Variants in MYRF observed in about 807,000 individuals in gnomAD.
MYRF encodes the protein myelin regulatory factor.
Under a neutral mutation model 126.3 loss-of-function variants are expected in MYRF, and 16 were observed. That is an observed-to-expected ratio of 0.13 (90% CI 0.09 to 0.19). The LOEUF is 0.19. Among genes scored for constraint, MYRF ranks in the 10% least tolerant of loss-of-function variants. The probability of loss-of-function intolerance (pLI) is 1.00; values close to 1 mark genes in which losing one functional copy is unlikely to be tolerated. For missense variants in MYRF, 1,104 were observed against 1,547.0 expected (o/e 0.71, Z 4.80); for synonymous variants, 608 against 635.3 (o/e 0.96, Z 0.65).
chr11:61,780,419 C>T, intron 18 of MYRF, 129 bp downstream of exon 18: 1 of 838,626 alleles, frequency 1.2e-6, no homozygotes, highest in Non-Finnish European at 1.9e-6. Context: ...TGCTGGGGTG[C>T]TGTGGGGATC....
chr11:61,755,089 C>T (rs989794251), intron 1 of MYRF, among the ~76,000 whole-genome samples: 1 of 152,208 alleles, frequency 6.6e-6, no homozygotes, highest in Non-Finnish European at 1.5e-5. Context: ...GGTCATCCCT[C>T]TGGACAGTGG....
intron 8 of MYRF, 115 bp downstream of exon 8, chr11:61,774,277 C>T: frequency 1.0e-6 from 1 of 973,646 alleles, no homozygotes; most frequent in Non-Finnish European, 1.5e-6. Flanking sequence ...GTAATCCCAG[C>T]ACTTTGGGAG....
intron 1 of MYRF, among the ~76,000 whole-genome samples, chr11:61,762,726 C>T (rs543665676): frequency 1.5e-3 from 229 of 152,262 alleles, no homozygotes; most frequent in Non-Finnish European, 2.5e-3. Flanking sequence ...AAAGAGACGA[C>T]GCGGCCTCCA....
chr11:61,771,543 C>A lies in MYRF; in HGVS notation c.784C>A (p.Pro262Thr), dbSNP rs144545667. ...CAAGAAGAGGAAGCACTCTGAATCC[C>A]CCCCCAGCACCCTCAATGCCCAGAT... is the stretch of plus-strand genomic sequence containing the variant. The part of the protein sequence containing the change: ...PSKKRKHSES[P>T]PSTLNAQMLN... Residue 262 changes from proline to threonine, a missense_variant, in exon 6 of 27, where the codon CCC (proline) becomes ACC (threonine). Transcript: ENST00000278836. 5.6e-6 allele frequency: 9 copies of A among 1,614,002 alleles called. No homozygotes were observed. The highest frequency in any genetic ancestry group is 3.3e-5 in the Admixed American group (2 of 60,012).
rs1188303208 is a variant in MYRF, at chr11:61,770,430, C to T, written c.645C>T (p.His215=). 8 of 1,557,918 alleles carry T rather than the reference C, an allele frequency of 5.1e-6. No homozygotes were observed. Among genetic ancestry groups the T allele is most frequent in the Middle Eastern group, 3.3e-4 (2 of 5,988 alleles). Residue 215 remains histidine (H), a synonymous_variant, in exon 5 of 27, where the codon CAC becomes CAT. Coordinates refer to ENST00000278836, the MANE Select transcript of MYRF (RefSeq NM_001127392.3). ...TGAAGGCCGAGCCCCCGATCCCCCA[C>T]TACGCTGCCATGGGGCAGGGGCTGG... is the stretch of plus-strand genomic sequence containing the variant. ...LYMKAEPPIP[H]YAAMGQGLVP... is the part of the protein sequence containing the mutation.
chr11:61,769,604 C>A (rs939922385), intron 4 of MYRF, among the ~76,000 whole-genome samples: 4 of 152,156 alleles, frequency 2.6e-5, no homozygotes, highest in Admixed American at 1.3e-4. Context: ...TGGGGAAGGC[C>A]GTGGGTGCAG....
chr11:61,780,115 A>G (rs771798999), intron 17 of MYRF, 107 bp from the exon 18 acceptor site: 3 of 1,387,454 alleles, frequency 2.2e-6, no homozygotes, highest in Non-Finnish European at 3.0e-6. Context: ...TTTTGTAGGC[A>G]TCACCTGGGA....
chr11:61,769,604 C>T (rs939922385), intron 4 of MYRF, among the ~76,000 whole-genome samples: 2 of 152,156 alleles, frequency 1.3e-5, no homozygotes, highest in Admixed American at 6.5e-5. Flanking sequence ...TGGGGAAGGC[C>T]GTGGGTGCAG....
intron 4 of MYRF, among the ~76,000 whole-genome samples, chr11:61,769,620 G>A (rs2066153615): frequency 6.6e-6 from 1 of 152,194 alleles, no homozygotes; most frequent in Non-Finnish European, 1.5e-5. Context: ...TGCAGCCTGG[G>A]TGCAGGCTTC....
rs200842389 is a variant in MYRF at position 61,779,527 on chromosome 11, G to A, written c.2204G>A (p.Gly735Asp). The change falls in exon 16 of 27, where the codon GGC becomes GAC. Residue 735 changes from glycine to aspartate, a missense_variant. Physicochemically the swap from Gly to Asp is moderately conservative, Grantham distance 94. Transcript: ENST00000278836. ...SHAGSQFSRA[G>D]SVPHKKRPPK... is the part of the protein sequence containing the mutation. The stretch of plus-strand genomic sequence containing the variant: ...GCAGGGAGCCAGTTCAGTCGGGCGG[G>A]CAGCGTCCCCCACAAGAAGAGGCCC... The A allele has an allele frequency of 1.9e-5, 28 of 1,511,342 alleles. No individual in the cohort carries two copies. The East Asian group carries it at 5.8e-4, about 31-fold the overall frequency. 93.6% of individuals were successfully genotyped at this position (1,511,342 alleles called of 1,614,324 possible).
Position 61,781,012 on chromosome 11 carries a change from G to A in MYRF, c.2539G>A (p.Gly847Arg). 1 of 1,610,018 alleles carries A rather than the reference G, an allele frequency of 6.2e-7. No homozygotes were observed. ...TQLRQSPLTT[G>R]LPGIQPSLLL... Reference sequence around the variant, plus strand: ...GCTCCGACAGTCCCCCTTGACCACGGGGCTACCAGGCATACAGCCCTCTTT... The same window carrying A: ...GCTCCGACAGTCCCCCTTGACCACGAGGCTACCAGGCATACAGCCCTCTTT... Residue 847 changes from glycine to arginine, a missense_variant, in exon 20 of 27, where the codon GGG (glycine) becomes AGG (arginine). By Grantham distance (125) the Gly-to-Arg change is moderately radical (BLOSUM62 -2). Coordinates refer to ENST00000278836, the MANE Select transcript of MYRF (RefSeq NM_001127392.3).
chr11:61,773,818 T>C, intron 7 of MYRF, 149 bp from the exon 8 acceptor site: 1 of 647,168 alleles, frequency 1.5e-6, no homozygotes, highest in Admixed American at 2.9e-5. Context: ...TCAGTTTCCA[T>C]TTCTCAGGAG....
intron 1 of MYRF, among the ~76,000 whole-genome samples, chr11:61,759,681 T>C (rs1431411375): frequency 6.8e-6 from 1 of 146,298 alleles, no homozygotes; most frequent in African/African-American, 2.5e-5. Flanking sequence ...AAAAGAAAGG[T>C]AAAAAAAAAA....
chr11:61,765,534 C>A, intron 1 of MYRF, 91 bp from the exon 2 acceptor site: 1 of 1,063,726 alleles, frequency 9.4e-7, no homozygotes. Flanking sequence ...TTTGGAGGGC[C>A]AGCCTGGGCA....
At position 61,786,694 on chromosome 11, in the gene MYRF, TGCCTGTTAC is replaced by T. The variant is rs2066702758; in HGVS notation, c.*555_*563del. ...GCTTGGTAGTGGACTTTCTGGGGTT[TGCCTGTTAC>T]GCCAGACTCGGACTTCTAAGCTTTA... On this transcript the variant is annotated 3_prime_UTR_variant, in exon 27 of 27. Coordinates refer to ENST00000278836, the MANE Select transcript of MYRF (RefSeq NM_001127392.3). This position sits in a 1 kb window ranked among gnomAD's most constrained non-coding sequence, Gnocchi z 4.5. 6.5e-6 allele frequency: 1 copy of T among 154,224 alleles called. No homozygotes were observed. The highest frequency in any genetic ancestry group is 1.4e-5 in the Non-Finnish European group (1 of 69,042). 9.6% of individuals were successfully genotyped at this position (154,224 alleles called of 1,614,324 possible).
In MYRF at chr11:61,762,334, G is replaced by GA. The variant is rs1489111981; in HGVS notation, c.47-3289dup. Among the ~76,000 whole-genome samples, 3 of 152,226 alleles carry GA rather than the reference G, an allele frequency of 2.0e-5. No individual in the cohort carries two copies. The East Asian group carries it at 5.8e-4, about 29-fold the overall frequency. On this transcript the variant is annotated intron_variant, in intron 1 of 26. Coordinates refer to ENST00000278836, the MANE Select transcript of MYRF (RefSeq NM_001127392.3). Reference sequence around the variant, plus strand: ...GAAGTTGTTGAAGGGTTTGAGAAGGGAAGGACAGAGATGCTGGTTTGTGAG... The same window carrying GA: ...GAAGTTGTTGAAGGGTTTGAGAAGGGAAAGGACAGAGATGCTGGTTTGTGAG...
intron 17 of MYRF, 34 bp from the exon 18 acceptor site, chr11:61,780,188 C>G (rs1195311589): frequency 8.7e-6 from 14 of 1,611,196 alleles, no homozygotes; most frequent in African/African-American, 1.3e-5. Context: ...ATGGTGGCTC[C>G]AGCTCTAACG....
Position 61,777,760 on chromosome 11 carries a change from G to C in MYRF, c.1818G>C (p.Arg606Ser). Residue 606 changes from arginine to serine, a missense_variant, in exon 13 of 27, where the codon AGG (arginine) becomes AGC (serine). Coordinates refer to ENST00000278836, the MANE Select transcript of MYRF (RefSeq NM_001127392.3). This position sits in a 1 kb window ranked among gnomAD's most constrained non-coding sequence, Gnocchi z 8.8. ...QEVDTTEQLK[R>S]ISRMRLVHYR... ...TGGACACCACCGAGCAATTGAAGAG[G>C]ATCTCGCGCATGCGGCTGGTGCACT... 1.3e-6 allele frequency: 2 copies of C among 1,551,910 alleles called. No individual in the cohort carries two copies. Among genetic ancestry groups the C allele is most frequent in the Non-Finnish European group, 1.7e-6 (2 of 1,147,076 alleles).
At chr11:61,763,882 A>G (rs2065973051) in intron 1 of MYRF, among the ~76,000 whole-genome samples, 1 of 152,180 alleles carries the variant, frequency 6.6e-6, no homozygotes, top group South Asian at 2.1e-4. Flanking sequence ...AAAGAAATAA[A>G]GTAAAGAAAC....
Sources: gnomAD v4.1 joint callset for allele counts (sites outside exome capture counted in the v4.1 genomes callset) on GRCh38, gnomAD v4.1.1 for gene constraint, Gnocchi (gnomAD v3.1) non-coding constraint, MANE v1.5 for transcripts, NCBI Gene and HGNC (gene_info 2026-07-23, HGNC 2026-07-21) for gene names.